The following ARHGEF12 variants were observed in gnomAD, a reference collection of about 807,000 sequenced individuals.
ARHGEF12 encodes the protein KMT2A/ARHGEF12 fusion protein.
A neutral mutation model predicts 211.2 loss-of-function variants in ARHGEF12; 66 were observed. The ratio of observed to expected loss-of-function variants is 0.31; its 90% confidence interval spans 0.26 to 0.38. The LOEUF (loss-of-function observed/expected upper bound fraction) is 0.38, where lower values mean the gene tolerates loss of function less well. ARHGEF12 is among the 10% of genes least tolerant of loss of function. The pLI, the probability that ARHGEF12 is intolerant of heterozygous loss-of-function variation, is 1.00. For synonymous variants in ARHGEF12, 592 were observed against 638.4 expected (o/e 0.93, Z 1.09); for missense variants, 1,429 against 1,869.5 (o/e 0.76, Z 4.34).
intron 16 of ARHGEF12, 21 bp from the exon 17 acceptor site, chr11:120,446,382 T>A (rs778948619): frequency 8.2e-6 from 13 of 1,585,994 alleles, no homozygotes; most frequent in Non-Finnish European, 9.5e-6. Flanking sequence ...TTAGATAACA[T>A]AATTCCTTTC....
chr11:120,361,130 C>G (rs888631467), intron 1 of ARHGEF12, among the ~76,000 whole-genome samples: 3 of 152,164 alleles, frequency 2.0e-5, no homozygotes, highest in African/African-American at 4.8e-5. Context: ...AAAAATTAAG[C>G]CCTTTTGTTC....
intron 1 of ARHGEF12, among the ~76,000 whole-genome samples, chr11:120,351,341 CAAA>C (rs35596601): frequency 1.1e-4 from 2 of 18,692 alleles, no homozygotes; most frequent in East Asian, 3.3e-3. Context: ...GACTCCGTCT[CAAA>C]AAAAAAAAAA....
At chr11:120,382,871 C>T (rs1032546421) in intron 1 of ARHGEF12, among the ~76,000 whole-genome samples, 7 of 152,122 alleles carry the variant, frequency 4.6e-5, no homozygotes, top group East Asian at 1.9e-4. Context: ...CCGGGCGAGG[C>T]GGTTCACGCC....
chr11:120,477,644 C>A, intron 36 of ARHGEF12, 118 bp downstream of exon 36: 1 of 877,288 alleles, frequency 1.1e-6, no homozygotes, highest in Non-Finnish European at 1.7e-6. Context: ...ATAGGCGTAT[C>A]ACCTGAGGCC....
At position 120,396,709 on chromosome 11, in the gene ARHGEF12, C is replaced by T. The variant is rs569535453; in HGVS notation, c.33-9409C>T. On this transcript the variant is annotated intron_variant, in intron 1 of 40. Transcript: ENST00000397843. ...CCTAAAAGTAAAATAGAAAGTCACT[C>T]AGCTCTTAGAAGAAAATGTAGGGGT... 9.9e-5 allele frequency among the ~76,000 whole-genome samples: 15 copies of T among 152,236 alleles called. No individual in the cohort carries two copies. The South Asian group carries it at 2.9e-3, about 30-fold the overall frequency.
intron 1 of ARHGEF12, among the ~76,000 whole-genome samples, chr11:120,376,030 T>TA (rs1292348773): frequency 6.6e-6 from 1 of 152,150 alleles, no homozygotes. Context: ...CAAGGGTACT[T>TA]ACCGCTAACA....
chr11:120,367,369 T>C lies in ARHGEF12; in HGVS notation c.32+30094T>C, dbSNP rs866102298. ...TACTTTTTCCTTTTTTTTTTTTTTT[T>C]TTTTTTTTTTTTTTGAGGTGGAGTC... is the stretch of plus-strand genomic sequence containing the variant. On this transcript the variant is annotated intron_variant, in intron 1 of 40. Coordinates refer to ENST00000397843, the MANE Select transcript of ARHGEF12 (RefSeq NM_015313.3). Among the ~76,000 whole-genome samples the C allele has an allele frequency of 5.4e-3, 660 of 122,340 alleles. 13 individuals carry two copies. The highest frequency in any genetic ancestry group is 0.02 in the African/African-American group (606 of 30,040). The allele number at this position is 122,340 out of a possible 152,430, so 80.3% of individuals were successfully genotyped here.
chr11:120,429,416 G>GT (rs1565474663), intron 8 of ARHGEF12, 24 bp from the exon 9 acceptor site: 1 of 1,591,606 alleles, frequency 6.3e-7, no homozygotes, highest in East Asian at 2.2e-5. Flanking sequence ...GTTGTTGTTT[G>GT]TTTTTTATCT....
At chr11:120,351,445 ATATATATATATTTTTTTT>A (rs1942960044) in intron 1 of ARHGEF12, among the ~76,000 whole-genome samples, 1 of 4,006 alleles carries the variant, frequency 2.5e-4, no homozygotes, top group African/African-American at 1.6e-3. Context: ...ATATATATAT[ATATATATATATTTTTTTT>A]TTTTTTTTTT....
chr11:120,429,004 G>T (rs1945442141), intron 8 of ARHGEF12, among the ~76,000 whole-genome samples: 1 of 152,162 alleles, frequency 6.6e-6, no homozygotes, highest in Non-Finnish European at 1.5e-5. Context: ...ATTATAGGAA[G>T]ACTAATTTGG....
At position 120,337,324 on chromosome 11, in the gene ARHGEF12, C is replaced by A. The variant is rs370844009; in HGVS notation, c.32+49C>A. 3 of 1,612,608 alleles carry A rather than the reference C, an allele frequency of 1.9e-6. No homozygotes were observed. In the African/African-American group the frequency reaches 4.0e-5, roughly 22 times the overall value. On this transcript the variant is annotated intron_variant, in intron 1 of 40. Coordinates refer to ENST00000397843, the MANE Select transcript of ARHGEF12 (RefSeq NM_015313.3). The stretch of plus-strand genomic sequence containing the variant: ...TCGGCCTCCCGGAATCGGGCCCGAC[C>A]TAGCAGGGGAGTCGGTGATTGCAGA...
At chr11:120,457,921 G>C (rs551673448) in intron 24 of ARHGEF12, 159 bp from the exon 25 acceptor site, 1 of 1,137,234 alleles carries the variant, frequency 8.8e-7, no homozygotes, top group East Asian at 2.6e-5. Context: ...GCTGTATTTT[G>C]AAGTATGTAT....
intron 22 of ARHGEF12, among the ~76,000 whole-genome samples, chr11:120,453,629 A>G (rs1437662028): frequency 6.6e-6 from 1 of 152,198 alleles, no homozygotes; most frequent in South Asian, 2.1e-4. Context: ...AGGTGGGATG[A>G]TCACTTGATC....
chr11:120,469,764 T>C (rs1946812443), intron 30 of ARHGEF12, among the ~76,000 whole-genome samples: 1 of 152,166 alleles, frequency 6.6e-6, no homozygotes, highest in South Asian at 2.1e-4. Flanking sequence ...AGTGCAAATA[T>C]TTTGTATCAG....
intron 20 of ARHGEF12, 63 bp from the exon 21 acceptor site, chr11:120,449,046 A>G (rs543515555): frequency 6.5e-6 from 9 of 1,392,834 alleles, no homozygotes; most frequent in South Asian, 2.5e-5. Context: ...GCATTACACT[A>G]TGAAAATCGC....
chr11:120,403,847 T>TA (rs1266279170), intron 1 of ARHGEF12, among the ~76,000 whole-genome samples: 1 of 152,210 alleles, frequency 6.6e-6, no homozygotes, highest in Non-Finnish European at 1.5e-5. Context: ...GACAGGGACT[T>TA]AAAAATATAG....
chr11:120,393,571 G>A (rs1304818423), intron 1 of ARHGEF12, among the ~76,000 whole-genome samples: 2 of 151,672 alleles, frequency 1.3e-5, no homozygotes, highest in African/African-American at 4.8e-5. Flanking sequence ...ATATCAACAG[G>A]GATAAAAAAA....
chr11:120,391,867 T>A (rs1185425677), intron 1 of ARHGEF12, among the ~76,000 whole-genome samples: 1 of 152,176 alleles, frequency 6.6e-6, no homozygotes, highest in Non-Finnish European at 1.5e-5. Flanking sequence ...AAATAATATA[T>A]CAATATTATA....
chr11:120,472,816 G>A (rs887641923), intron 30 of ARHGEF12, among the ~76,000 whole-genome samples: 8 of 151,954 alleles, frequency 5.3e-5, no homozygotes, highest in African/African-American at 1.7e-4. Flanking sequence ...CACCATGCCC[G>A]GCTAATTTTT....
Sources: allele counts gnomAD v4.1 joint callset (sites outside exome capture counted in the v4.1 genomes callset), GRCh38; gene constraint gnomAD v4.1.1; transcripts MANE v1.5; gene names NCBI Gene and HGNC (gene_info 2026-07-23, HGNC 2026-07-21).